CDC42BPB: variants seen among roughly 807,000 people sequenced by gnomAD.
CDC42BPB encodes the protein CDC42 binding protein kinase beta.
In CDC42BPB, 37 loss-of-function variants were observed where a neutral mutation model predicts 214.9. The ratio of observed to expected loss-of-function variants is 0.17; its 90% CI spans 0.13 to 0.23. The LOEUF is 0.23. Ranked by LOEUF, CDC42BPB falls within the 10% of genes least tolerant of loss-of-function variation. CDC42BPB has a pLI of 1.00. For synonymous variants in CDC42BPB, 931 were observed against 884.0 expected (o/e 1.05, Z -0.94); for missense variants, 1,694 against 2,227.0 (o/e 0.76, Z 4.82).
At chr14:103,034,583 G>A (rs887915191) in intron 1 of CDC42BPB, among the ~76,000 whole-genome samples, 6 of 152,186 alleles carry the variant, frequency 3.9e-5, no homozygotes, top group Admixed American at 3.9e-4. Context: ...GGAGGCTGAG[G>A]CAGGTGGCTC....
chr14:103,016,971 GC>G (rs1886501216), intron 1 of CDC42BPB, among the ~76,000 whole-genome samples: 1 of 152,158 alleles, frequency 6.6e-6, no homozygotes, highest in South Asian at 2.1e-4. Context: ...AGCAGCCGGT[GC>G]CCAGAAGTGA....
intron 13 of CDC42BPB, among the ~76,000 whole-genome samples, chr14:102,970,749 T>G (rs1893437650): frequency 6.6e-6 from 1 of 152,236 alleles, no homozygotes; most frequent in Non-Finnish European, 1.5e-5. Context: ...TTCCCCCATA[T>G]GTGGAATGCT....
chr14:103,053,672 G>A (rs985280569), intron 1 of CDC42BPB, among the ~76,000 whole-genome samples: 2 of 149,060 alleles, frequency 1.3e-5, no homozygotes, highest in African/African-American at 4.9e-5. Context: ...TGAGGCAGGA[G>A]AACAACGTGA....
At chr14:102,987,284 T>G (rs982548478) in intron 5 of CDC42BPB, among the ~76,000 whole-genome samples, 4 of 152,256 alleles carry the variant, frequency 2.6e-5, no homozygotes, top group Admixed American at 6.5e-5. Context: ...CGCCTGTTTC[T>G]AAACTACTTT....
At position 103,057,387 on chromosome 14, in the gene CDC42BPB, T is replaced by TG; in HGVS notation, c.-215dup. ...TGGGGCGCCGGGCCCCGCGGGTCCA[T>TG]GGGCCGCTCTCCTCCCCTCGGCGCC... is the stretch of plus-strand genomic sequence containing the variant. On this transcript the variant is annotated 5_prime_UTR_variant, in exon 1 of 37. Transcript: ENST00000361246. The TG allele has an allele frequency of 1.1e-6, 1 of 910,992 alleles. No homozygotes were observed. Among genetic ancestry groups the TG allele is most frequent in the Non-Finnish European group, 1.3e-6 (1 of 760,554 alleles). 56.4% of individuals were successfully genotyped at this position (910,992 alleles called of 1,614,324 possible).
At chr14:103,024,814 AGTG>A (rs539066098) in intron 1 of CDC42BPB, among the ~76,000 whole-genome samples, 18 of 152,172 alleles carry the variant, frequency 1.2e-4, no homozygotes, top group Non-Finnish European at 2.4e-4. Context: ...CCTGGGCTCA[AGTG>A]ATCTGCCCAC....
intron 1 of CDC42BPB, among the ~76,000 whole-genome samples, chr14:103,026,688 C>A (rs1887071721): frequency 6.6e-6 from 1 of 151,816 alleles, no homozygotes; most frequent in Admixed American, 6.6e-5. Flanking sequence ...ACAGTGAAAC[C>A]CCGTCTCTAC....
rs1430040779 is a variant in CDC42BPB, at chr14:103,004,508, A to G, written c.352-485T>C. ...TATAGTGATGACACAATTGTCACAG[A>G]TTCCACTAGGGAGGCCTACAGCCAG... is the stretch of plus-strand genomic sequence containing the variant. On this transcript the variant is annotated intron_variant, in intron 3 of 36. Coordinates refer to ENST00000361246, the MANE Select transcript of CDC42BPB (RefSeq NM_006035.4). This position sits in a 1 kb window ranked among gnomAD's most constrained non-coding sequence, Gnocchi z 5.3. Among the ~76,000 whole-genome samples, 1 of 152,220 alleles carries G rather than the reference A, an allele frequency of 6.6e-6. No homozygotes were observed. Among genetic ancestry groups the G allele is most frequent in the East Asian group, 1.9e-4 (1 of 5,194 alleles).
At chr14:102,954,880 C>G (rs1450221839) in intron 21 of CDC42BPB, 192 bp from the exon 22 acceptor site, 8 of 865,750 alleles carry the variant, frequency 9.2e-6, no homozygotes, top group Non-Finnish European at 1.1e-5. Flanking sequence ...GGCCGGCCTG[C>G]CCTGAGGACC....
intron 1 of CDC42BPB, among the ~76,000 whole-genome samples, chr14:103,038,849 CG>C (rs1259942898): frequency 2.1e-4 from 31 of 151,120 alleles, no homozygotes; most frequent in African/African-American, 7.3e-4. Context: ...GTAAAATATA[CG>C]TAACATAAAA....
Position 103,048,670 on chromosome 14 carries a change from T to TGCACTCCAGCCTGG in CDC42BPB, c.175+8315_175+8328dup, listed in dbSNP as rs1263218605. On this transcript the variant is annotated intron_variant, in intron 1 of 36. Transcript: ENST00000361246. ...CTGCAGTGAGCCGAGATCGGGCCAC[T>TGCACTCCAGCCTGG]GCACTCCAGCCTGGGCGACAGAGCA... Among the ~76,000 whole-genome samples, 3 of 146,848 alleles carry TGCACTCCAGCCTGG rather than the reference T, an allele frequency of 2.0e-5. No homozygotes were observed. In the Admixed American group the frequency reaches 2.1e-4, roughly 10 times the overall value.
At chr14:102,946,310 A>G (rs1211047335) in intron 28 of CDC42BPB, among the ~76,000 whole-genome samples, 158 bp downstream of exon 28, 2 of 152,148 alleles carry the variant, frequency 1.3e-5, no homozygotes, top group South Asian at 2.1e-4. Flanking sequence ...GGCGTGAGCC[A>G]CCGCACCCGG....
rs1893788594 is a variant in CDC42BPB at position 102,977,215 on chromosome 14, T to C, written c.1220+911A>G. Among the ~76,000 whole-genome samples, 2 of 151,854 alleles carry C rather than the reference T, an allele frequency of 1.3e-5. 1 individual carries two copies. Among genetic ancestry groups the C allele is most frequent in the South Asian group, 4.1e-4 (2 of 4,824 alleles). On this transcript the variant is annotated intron_variant, in intron 9 of 36. Transcript: ENST00000361246. ...TTAGTCGGGCGTGGTGGCGGGCGCCTGTAGTCCCAGCTACTCAGGAGGCTG... is the reference window on the plus strand; with the variant it reads ...TTAGTCGGGCGTGGTGGCGGGCGCCCGTAGTCCCAGCTACTCAGGAGGCTG...
At chr14:102,999,829 T>A in intron 4 of CDC42BPB, 116 bp from the exon 5 acceptor site, 1 of 1,496,748 alleles carries the variant, frequency 6.7e-7, no homozygotes, top group South Asian at 1.4e-5. Flanking sequence ...GCTCGTGGCA[T>A]CTCAGCTGCT....
chr14:103,044,918 G>A (rs889352901), intron 1 of CDC42BPB, among the ~76,000 whole-genome samples: 11 of 151,624 alleles, frequency 7.3e-5, no homozygotes, highest in Non-Finnish European at 1.5e-4. Context: ...GTATAAGATG[G>A]GTCAGGTGTG....
rs570481697 is a variant in CDC42BPB, at chr14:103,048,203, G to C, written c.175+8796C>G. Among the ~76,000 whole-genome samples the C allele has an allele frequency of 1.1e-4, 17 of 152,220 alleles. No individual in the cohort carries two copies. The East Asian group carries it at 2.3e-3, about 21-fold the overall frequency. On this transcript the variant is annotated intron_variant, in intron 1 of 36. Coordinates refer to ENST00000361246, the MANE Select transcript of CDC42BPB (RefSeq NM_006035.4). ...TGAGGTGTTTAATGGAGGAGTTCTA[G>C]TTAAAAGCCTGGCACTAAATTCATG...
At chr14:103,053,812 G>A (rs1372523086) in intron 1 of CDC42BPB, among the ~76,000 whole-genome samples, 1 of 151,142 alleles carries the variant, frequency 6.6e-6, no homozygotes, top group Non-Finnish European at 1.5e-5. Context: ...GACCACTGTG[G>A]CAATAAGAAA....
At chr14:102,936,636 T>C (rs1212391884) in intron 36 of CDC42BPB, among the ~76,000 whole-genome samples, 1 of 152,144 alleles carries the variant, frequency 6.6e-6, no homozygotes, top group East Asian at 1.9e-4. Context: ...GGCAGGGGGT[T>C]TATTTTGAAA....
In CDC42BPB at chr14:102,944,490, G is replaced by A; in HGVS notation, c.3812-3C>T. ...ACAGTCAGCGGCACGGACGATCACT[G>A]TGGCAAGGAGGACAAGAGCGTGAGG... On this transcript the variant is annotated splice_region_variant and splice_polypyrimidine_tract_variant and intron_variant, in intron 29 of 36. Transcript: ENST00000361246. The surrounding 1 kb of genome is among the most constrained non-coding windows in gnomAD (Gnocchi z 6.6). The A allele has an allele frequency of 6.2e-7, 1 of 1,608,376 alleles. No individual in the cohort carries two copies. Among genetic ancestry groups the A allele is most frequent in the East Asian group, 2.2e-5 (1 of 44,784 alleles).
Sources: allele counts gnomAD v4.1 joint callset (sites outside exome capture counted in the v4.1 genomes callset), GRCh38; gene constraint gnomAD v4.1.1; non-coding constraint Gnocchi (gnomAD v3.1); transcripts MANE v1.5; gene names NCBI Gene and HGNC (gene_info 2026-07-23, HGNC 2026-07-21).